GRM6: variants seen among roughly 807,000 people sequenced by gnomAD.
The protein encoded by GRM6 is metabotropic glutamate receptor 6.
GRM6 carries 73 observed loss-of-function variants against 78.4 expected under a neutral mutation model. The ratio of observed to expected loss-of-function variants is 0.93; its 90% CI spans 0.77 to 1.13. The LOEUF (loss-of-function observed/expected upper bound fraction) is 1.13, where lower values mean the gene tolerates loss of function less well. Among genes scored for constraint, GRM6 ranks in the 50% most tolerant of loss-of-function variants. The pLI is 0.00. For missense variants in GRM6, 1,251 were observed against 1,256.4 expected, an observed-to-expected ratio of 1.00 and a Z score of 0.07; for synonymous variants, 580 against 555.0, an observed-to-expected ratio of 1.05 and a Z score of -0.63.
chr5:178,985,331 A>G (rs1424418793), intron 9 of GRM6: 2 of 452,010 alleles, frequency 4.4e-6, no homozygotes, highest in Admixed American at 2.4e-5. Flanking sequence ...TCCTTCAAGG[A>G]CCCAGCAGGG....
intron 4 of GRM6, 41 bp from the exon 5 acceptor site, chr5:178,990,787 C>T: frequency 6.6e-7 from 1 of 1,513,666 alleles, no homozygotes; most frequent in South Asian, 1.2e-5. Context: ...GCCTGGGAGC[C>T]TCCTCCAGCT....
intron 9 of GRM6, among the ~76,000 whole-genome samples, chr5:178,984,466 A>G (rs1760469520): frequency 6.6e-6 from 1 of 152,206 alleles, no homozygotes; most frequent in African/African-American, 2.4e-5. Context: ...AGTCATGGCA[A>G]AACACCTAGG....
At chr5:178,983,333 G>A (rs752578198) in intron 9 of GRM6, 112 bp from the exon 10 acceptor site, 13 of 918,670 alleles carry the variant, frequency 1.4e-5, no homozygotes, top group African/African-American at 1.3e-4. Flanking sequence ...GCCTATGGAG[G>A]GGATGCTCCA....
Position 178,986,602 on chromosome 5 carries a change from T to C in GRM6, c.1652A>G (p.Asp551Gly), listed in dbSNP as rs1278134616. ...AGGACAGGCCTCGCATGTGAACTCG[T>C]CCACCTGGAAGCGGTACCCGTCACA... ...EACDGYRFQV[D>G]EFTCEACPGD... Residue 551 changes from aspartate (D) to glycine (G), a missense_variant, in exon 9 of 11, where the codon GAC becomes GGC. Asp to Gly is a moderately conservative substitution (Grantham distance 94, BLOSUM62 -1). Coordinates refer to ENST00000517717, the MANE Select transcript of GRM6 (RefSeq NM_000843.4). 2.5e-6 allele frequency: 4 copies of C among 1,604,706 alleles called. No homozygotes were observed. The East Asian group carries it at 6.7e-5, about 27-fold the overall frequency.
chr5:178,987,195 TGGA>T (rs2113331685), intron 7 of GRM6: 1 of 692,216 alleles, frequency 1.4e-6, no homozygotes, highest in South Asian at 1.5e-5. Flanking sequence ...TGTGAGCGTG[TGGA>T]GAAGTCGGAA....
In GRM6 at chr5:178,991,374, G is replaced by C. The variant is rs1360527890; in HGVS notation, c.857+50C>G. The C allele has an allele frequency of 6.4e-7, 1 of 1,570,738 alleles. No homozygotes were observed. The highest frequency in any genetic ancestry group is 1.1e-5 in the South Asian group (1 of 90,232). On this transcript the variant is annotated intron_variant, in intron 4 of 10. Coordinates refer to ENST00000517717, the MANE Select transcript of GRM6 (RefSeq NM_000843.4). The surrounding 1 kb of genome is among the most constrained non-coding windows in gnomAD (Gnocchi z 5.0). Reference sequence around the variant, plus strand: ...GTGGCGATGTGCAAGAGGAGGGGTGGGACCCTCAGGGAGAGCCCCAGGGGC... The same window carrying C: ...GTGGCGATGTGCAAGAGGAGGGGTGCGACCCTCAGGGAGAGCCCCAGGGGC...
Position 178,989,036 on chromosome 5 carries a change from A to G in GRM6, c.1253T>C (p.Met418Thr). The G allele has an allele frequency of 1.2e-6, 2 of 1,614,076 alleles. No individual in the cohort carries two copies. Among genetic ancestry groups the G allele is most frequent in the Non-Finnish European group, 1.7e-6 (2 of 1,179,954 alleles). Reference sequence around the variant, plus strand: ...GTGCCCAGGGCAGAGCGCCTGGTGCATGCTGTGGAGGGCGTGGGCAATGGC... The same window carrying G: ...GTGCCCAGGGCAGAGCGCCTGGTGCGTGCTGTGGAGGGCGTGGGCAATGGC... ...VYAIAHALHS[M>T]HQALCPGHTG... Residue 418 changes from methionine to threonine, a missense_variant, in exon 7 of 11, where the codon ATG (methionine) becomes ACG (threonine). Met to Thr is a moderately conservative substitution (Grantham distance 81). Transcript: ENST00000517717.
Position 178,994,923 on chromosome 5 carries a change from G to A in GRM6, c.22C>T (p.Arg8Trp), listed in dbSNP as rs1760747425. 3 of 1,187,740 alleles carry A rather than the reference G, an allele frequency of 2.5e-6. No individual in the cohort carries two copies. The highest frequency in any genetic ancestry group is 3.7e-5 in the South Asian group (1 of 27,194). The allele number at this position is 1,187,740 out of a possible 1,614,324, so 73.6% of individuals were successfully genotyped here. A position where few individuals can be genotyped will look rare whatever the true frequency, so the allele number is the denominator to read the frequency against. Reference protein sequence around the residue: MARPRRAREPLLVALLPL... With the variant: MARPRRAWEPLLVALLPL... ...AGCAGCGCCACGAGCAGCGGCTCCCGGGCTCTCCGGGGCCGCGCCATCGGC... is the reference window on the plus strand; with the variant it reads ...AGCAGCGCCACGAGCAGCGGCTCCCAGGCTCTCCGGGGCCGCGCCATCGGC... Residue 8 changes from arginine (R) to tryptophan (W), a missense_variant, in exon 2 of 11, where the codon CGG becomes TGG. Coordinates refer to ENST00000517717, the MANE Select transcript of GRM6 (RefSeq NM_000843.4).
intron 9 of GRM6, 108 bp downstream of exon 9, chr5:178,986,022 A>G (rs986987584): frequency 9.6e-7 from 1 of 1,038,474 alleles, no homozygotes; most frequent in Non-Finnish European, 1.4e-6. Context: ...TCAGCCTCCA[A>G]AGGTGCTGGG....
In GRM6 at chr5:178,983,316, G is replaced by A. The variant is rs543760168; in HGVS notation, c.2125-95C>T. Reference sequence around the variant, plus strand: ...CCCCTGCGGGTCAGGATCCCCTTGAGGCTCTGGCCTATGGAGGGGATGCTC... The same window carrying A: ...CCCCTGCGGGTCAGGATCCCCTTGAAGCTCTGGCCTATGGAGGGGATGCTC... On this transcript the variant is annotated intron_variant, in intron 9 of 10. Coordinates refer to ENST00000517717, the MANE Select transcript of GRM6 (RefSeq NM_000843.4). 86 of 1,079,616 alleles carry A rather than the reference G, an allele frequency of 8.0e-5. 1 individual carries two copies. In the East Asian group the frequency reaches 1.7e-3, roughly 21 times the overall value. The allele number at this position is 1,079,616 out of a possible 1,614,324, so 66.9% of individuals were successfully genotyped here.
Position 178,994,458 on chromosome 5 carries a change from C to T in GRM6, c.487G>A (p.Val163Met), listed in dbSNP as rs1482132549. 6.7e-7 allele frequency: 1 copy of T among 1,488,548 alleles called. No individual in the cohort carries two copies. The allele number at this position is 1,488,548 out of a possible 1,614,324, so 92.2% of individuals were successfully genotyped here. Residue 163 changes from valine (V) to methionine (M), a missense_variant, in exon 2 of 11, where the codon GTG (valine) becomes ATG (methionine). Transcript: ENST00000517717. ...GCCCTCACCGCAAACAGGCGCAGCA[C>T]GTTGGCGACCATGATGGAGACGGAG... Reference protein sequence around the residue: ...ASSVSIMVANVLRLFAIPQIS... With the variant: ...ASSVSIMVANMLRLFAIPQIS...
rs1360586921 is a variant in GRM6, at chr5:178,990,750, G to A, written c.858-4C>T. ...GCGAGCTGCCTCCAGGACCCGCCTG[G>A]TAGGAGCAGGGCTGGGGTGAGGGAG... is the stretch of plus-strand genomic sequence containing the variant. On this transcript the variant is annotated splice_polypyrimidine_tract_variant and splice_region_variant and intron_variant, in intron 4 of 10. Coordinates refer to ENST00000517717, the MANE Select transcript of GRM6 (RefSeq NM_000843.4). 4 of 1,561,370 alleles carry A rather than the reference G, an allele frequency of 2.6e-6. No individual in the cohort carries two copies. Among genetic ancestry groups the A allele is most frequent in the South Asian group, 2.4e-5 (2 of 84,834 alleles).
rs1018978642 is a variant in GRM6, at chr5:178,981,378, G to A, written c.*279C>T. ...CTTTGGACTTCGGATGAGAGAATAA[G>A]TTTAGTCCCTTTCTAGAGCTAGAAC... On this transcript the variant is annotated 3_prime_UTR_variant, in exon 11 of 11. Transcript: ENST00000517717. This position sits in a 1 kb window ranked among gnomAD's most constrained non-coding sequence, Gnocchi z 5.1. The A allele has an allele frequency of 1.1e-5, 5 of 462,242 alleles. No individual in the cohort carries two copies. The highest frequency in any genetic ancestry group is 9.8e-5 in the African/African-American group (5 of 51,102). 28.6% of individuals were successfully genotyped at this position (462,242 alleles called of 1,614,324 possible). A position where few individuals can be genotyped will look rare whatever the true frequency, so the allele number is the denominator to read the frequency against.
In GRM6 at chr5:178,986,429, G is replaced by A. The variant is rs200398972; in HGVS notation, c.1825C>T (p.Arg609Trp). 250 of 1,613,412 alleles carry A rather than the reference G, an allele frequency of 1.5e-4. No homozygotes were observed. Among genetic ancestry groups the A allele is most frequent in the East Asian group, 1.1e-3 (51 of 44,844 alleles). ...ATTTVVATFV[R>W]YNNTPIVRAS... Reference sequence around the variant, plus strand: ...CGGACGATGGGCGTGTTGTTGTACCGCACGAAGGTGGCCACCACCGTGGTA... The same window carrying A: ...CGGACGATGGGCGTGTTGTTGTACCACACGAAGGTGGCCACCACCGTGGTA... Residue 609 changes from arginine to tryptophan, a missense_variant, in exon 9 of 11, where the codon CGG becomes TGG. Coordinates refer to ENST00000517717, the MANE Select transcript of GRM6 (RefSeq NM_000843.4).
chr5:178,982,198 T>C (rs904093016), intron 10 of GRM6, among the ~76,000 whole-genome samples: 7 of 152,178 alleles, frequency 4.6e-5, no homozygotes, highest in African/African-American at 1.4e-4. Flanking sequence ...GGCAAATAAA[T>C]GGATGACAGG....
Position 178,994,431 on chromosome 5 carries a change from C to T in GRM6, c.504+10G>A. Reference sequence around the variant, plus strand: ...ACGCTGGACACCGAGCCCGGCCCCGCGGCCCTCACCGCAAACAGGCGCAGC... The same window carrying T: ...ACGCTGGACACCGAGCCCGGCCCCGTGGCCCTCACCGCAAACAGGCGCAGC... On this transcript the variant is annotated intron_variant, in intron 2 of 10. Coordinates refer to ENST00000517717, the MANE Select transcript of GRM6 (RefSeq NM_000843.4). 6.7e-7 allele frequency: 1 copy of T among 1,490,520 alleles called. No individual in the cohort carries two copies. Among genetic ancestry groups the T allele is most frequent in the Non-Finnish European group, 8.9e-7 (1 of 1,126,074 alleles). The allele number at this position is 1,490,520 out of a possible 1,614,324, so 92.3% of individuals were successfully genotyped here.
intron 5 of GRM6, 36 bp downstream of exon 5, chr5:178,990,556 C>A (rs542861337): frequency 1.3e-6 from 2 of 1,564,420 alleles, no homozygotes; most frequent in Non-Finnish European, 1.8e-6. Flanking sequence ...GCTGGGGAGA[C>A]GTGTGGGGTG....
At chr5:178,989,199 TTCCCCC>T in intron 6 of GRM6, 60 bp downstream of exon 6, 1 of 1,399,974 alleles carries the variant, frequency 7.1e-7, no homozygotes. Flanking sequence ...GCCTCCCGCC[TTCCCCC>T]TCCCCACCCT....
chr5:178,989,374 C>T lies in GRM6; in HGVS notation c.1044G>A (p.Leu348=), dbSNP rs758802878. Residue 348 remains leucine (L), a synonymous_variant, in exon 6 of 11, where the codon CTG becomes CTA. Transcript: ENST00000517717. ...ACCAGATGTTCCTGCGGTTGTTCTCCAGGGATCGAGTCATGAAGTACTGGT... is the reference window on the plus strand; with the variant it reads ...ACCAGATGTTCCTGCGGTTGTTCTCTAGGGATCGAGTCATGAAGTACTGGT... ...GFDQYFMTRS[L]ENNRRNIWFA... The T allele has an allele frequency of 2.4e-5, 38 of 1,613,976 alleles. No homozygotes were observed. Among genetic ancestry groups the T allele is most frequent in the Non-Finnish European group, 3.1e-5 (37 of 1,179,966 alleles).
Sources: gnomAD v4.1 joint callset for allele counts (sites outside exome capture counted in the v4.1 genomes callset) on GRCh38, gnomAD v4.1.1 for gene constraint, Gnocchi (gnomAD v3.1) non-coding constraint, MANE v1.5 for transcripts, NCBI Gene and HGNC (gene_info 2026-07-23, HGNC 2026-07-21) for gene names.